CCDC141: variants seen among roughly 807,000 people sequenced by gnomAD.
CCDC141 encodes coiled-coil domain containing 141.
CCDC141 carries 168 observed loss-of-function variants against 181.0 expected under a neutral mutation model. The observed-to-expected ratio is 0.93, with a 90% CI of 0.82 to 1.05. The LOEUF is 1.05. CCDC141 is among the 50% of genes least tolerant of loss of function. CCDC141 has a pLI of 0.00. For missense variants in CCDC141, 1,902 were observed against 1,788.5 expected, an observed-to-expected ratio of 1.06 and a Z score of -1.14; for synonymous variants, 666 against 642.3, an observed-to-expected ratio of 1.04 and a Z score of -0.56.
the CCDC141 span, among the ~76,000 whole-genome samples, chr2:178,821,852 T>C: frequency 6.6e-6 from 1 of 152,222 alleles, no homozygotes; most frequent in African/African-American, 2.4e-5. Flanking sequence ...ACTGTGGTGA[T>C]TCCTCAAGGA....
intron 2 of CCDC141, chr2:179,001,713 A>G (rs2041986234): frequency 6.6e-6 from 1 of 152,104 alleles, no homozygotes; most frequent in African/African-American, 2.4e-5. Flanking sequence ...AGTGGAGACC[A>G]CTTTTTTGTG....
intron 1 of CCDC141, 31 bp downstream of exon 1, chr2:179,049,809 C>A (rs1041632957): frequency 7.1e-6 from 11 of 1,549,974 alleles, no homozygotes; most frequent in Non-Finnish European, 9.6e-6. Context: ...AAGCCCACAG[C>A]CGCACAGAAA....
At chr2:178,956,372 C>T (rs1690161633) in intron 5 of CCDC141, among the ~76,000 whole-genome samples, 1 of 152,216 alleles carries the variant, frequency 6.6e-6, no homozygotes, top group Non-Finnish European at 1.5e-5. Context: ...TCTTGGCTCA[C>T]TGCAGCTTTG....
intron 2 of CCDC141, among the ~76,000 whole-genome samples, chr2:179,003,467 A>G (rs913271644): frequency 2.6e-5 from 4 of 152,244 alleles, no homozygotes; most frequent in Non-Finnish European, 5.9e-5. Flanking sequence ...TAACTATCTT[A>G]TAAGATTTTG....
chr2:178,970,298 A>G (rs1273460358), intron 4 of CCDC141, among the ~76,000 whole-genome samples: 1 of 152,248 alleles, frequency 6.6e-6, no homozygotes, highest in African/African-American at 2.4e-5. Flanking sequence ...ACAAAAAAAG[A>G]GCCCACATAG....
At chr2:179,039,379 C>T (rs1186171493) in intron 2 of CCDC141, among the ~76,000 whole-genome samples, 1 of 152,092 alleles carries the variant, frequency 6.6e-6, no homozygotes, top group Non-Finnish European at 1.5e-5. Flanking sequence ...TTAAATTAAA[C>T]ATTTAATATA....
chr2:178,818,142 C>A, the CCDC141 span, among the ~76,000 whole-genome samples: 1 of 152,064 alleles, frequency 6.6e-6, no homozygotes. Context: ...TTTCAGAAGT[C>A]TTTCTAAACA....
intron 6 of CCDC141, among the ~76,000 whole-genome samples, chr2:178,932,182 AAC>A (rs993325636): frequency 6.6e-6 from 1 of 152,112 alleles, no homozygotes; most frequent in Non-Finnish European, 1.5e-5. Flanking sequence ...AAAACAAAAA[AAC>A]ACACACACAT....
chr2:178,971,203 A>G (rs1690869936), intron 4 of CCDC141, among the ~76,000 whole-genome samples: 1 of 152,100 alleles, frequency 6.6e-6, no homozygotes. Context: ...GCGAGACTCC[A>G]CCTCAATTAA....
intron 5 of CCDC141, among the ~76,000 whole-genome samples, chr2:178,949,865 A>G (rs1157177865): frequency 1.3e-5 from 2 of 152,224 alleles, no homozygotes; most frequent in African/African-American, 4.8e-5. Flanking sequence ...GGCCAAGGAT[A>G]AACAACTCAG....
intron 5 of CCDC141, among the ~76,000 whole-genome samples, chr2:178,959,403 T>A (rs1575268904): frequency 6.6e-6 from 1 of 150,834 alleles, no homozygotes. Context: ...CGGTGGCTGG[T>A]CAGGATTAGG....
intron 6 of CCDC141, among the ~76,000 whole-genome samples, chr2:178,941,958 C>CAAAAAAAAAAAAAAAAAAAA (rs66903231): frequency 1.4e-5 from 1 of 71,496 alleles, no homozygotes; most frequent in Admixed American, 2.3e-4. Context: ...GATCCCATCT[C>CAAAAAAAAAAAAAAAAAAAA]AAAAAAAAAA....
intron 6 of CCDC141, among the ~76,000 whole-genome samples, chr2:178,933,600 C>A (rs1393785979): frequency 6.6e-6 from 1 of 152,168 alleles, no homozygotes; most frequent in Non-Finnish European, 1.5e-5. Context: ...AAAGTCACTC[C>A]CATTCAAACC....
At chr2:178,945,797 G>A (rs1575250440) in intron 5 of CCDC141, among the ~76,000 whole-genome samples, 2 of 151,956 alleles carry the variant, frequency 1.3e-5, no homozygotes, top group South Asian at 2.1e-4. Context: ...GGTAGCCAAG[G>A]AGAACTCTAC....
chr2:178,967,590 G>A (rs1690697525), intron 4 of CCDC141, among the ~76,000 whole-genome samples: 1 of 152,122 alleles, frequency 6.6e-6, no homozygotes, highest in Admixed American at 6.5e-5. Context: ...CCTGAAGGAA[G>A]CACTAAACAT....
At chr2:179,042,565 C>A (rs1294662249) in intron 2 of CCDC141, among the ~76,000 whole-genome samples, 1 of 152,152 alleles carries the variant, frequency 6.6e-6, no homozygotes, top group Non-Finnish European at 1.5e-5. Context: ...CCAGGCTGGT[C>A]TCAAATTCCT....
At chr2:178,843,080 T>C (rs1252877333) in intron 22 of CCDC141, among the ~76,000 whole-genome samples, 1 of 152,216 alleles carries the variant, frequency 6.6e-6, no homozygotes, top group African/African-American at 2.4e-5. Context: ...CTATTGCTTA[T>C]AAGCAGATAA....
Position 178,837,526 on chromosome 2 carries a change from G to T in CCDC141, c.3693C>A (p.Asp1231Glu). The T allele has an allele frequency of 6.2e-7, 1 of 1,614,034 alleles. No individual in the cohort carries two copies. Among genetic ancestry groups the T allele is most frequent in the Non-Finnish European group, 8.5e-7 (1 of 1,179,956 alleles). ...AGCTGACAGGCTCTTCCACCTCCAT[G>T]TCAGATGGTGCAAGAGGGGACTCAG... ...GSPESPLAPS[D>E]MEVEEPVSSS... Residue 1231 changes from aspartate to glutamate, a missense_variant, in exon 23 of 24, where the codon GAC becomes GAA. Transcript: ENST00000443758.
intron 5 of CCDC141, among the ~76,000 whole-genome samples, chr2:178,945,393 C>T (rs1226796277): frequency 1.3e-5 from 2 of 152,092 alleles, no homozygotes; most frequent in Non-Finnish European, 2.9e-5. Flanking sequence ...AAGCTAGTTG[C>T]TTTTTGGGCA....
Sources: gnomAD v4.1 joint callset for allele counts (sites outside exome capture counted in the v4.1 genomes callset) on GRCh38, gnomAD v4.1.1 for gene constraint, MANE v1.5 for transcripts, NCBI Gene and HGNC (gene_info 2026-07-23, HGNC 2026-07-21) for gene names.